GPHN: variants seen among roughly 807,000 people sequenced by gnomAD.
GPHN encodes gephyrin.
In GPHN, 17 loss-of-function variants were observed where a neutral mutation model predicts 95.5. That is an observed-to-expected ratio of 0.18 (90% CI 0.12 to 0.27). GPHN has a LOEUF of 0.27. Ranked by LOEUF, GPHN falls within the 10% of genes least tolerant of loss-of-function variation. The probability of loss-of-function intolerance (pLI) is 1.00; values close to 1 mark genes in which losing one functional copy is unlikely to be tolerated. For missense variants in GPHN, 660 were observed against 978.1 expected, an observed-to-expected ratio of 0.67 and a Z score of 4.34; for synonymous variants, 320 against 322.5, an observed-to-expected ratio of 0.99 and a Z score of 0.08.
the GPHN span, chr14:67,692,071 T>G: frequency 5.7e-6 from 1 of 175,986 alleles, no homozygotes; most frequent in African/African-American, 2.4e-5. Flanking sequence ...TTTGTGAATC[T>G]CAACTTTGTG....
the GPHN span, chr14:67,586,140 T>C: frequency 6.2e-7 from 1 of 1,604,352 alleles, no homozygotes; most frequent in East Asian, 2.2e-5. Context: ...TGGCAAGATG[T>C]GGTGGGCTTG....
At chr14:67,575,307 C>A in the GPHN span, 1 of 765,500 alleles carries the variant, frequency 1.3e-6, no homozygotes, top group Non-Finnish European at 2.2e-6. Context: ...TCAAATCTGT[C>A]TCCCTGTGGC....
chr14:66,580,461 G>A (rs977049957), intron 1 of GPHN, among the ~76,000 whole-genome samples: 1 of 141,390 alleles, frequency 7.1e-6, no homozygotes, highest in African/African-American at 3.0e-5. Flanking sequence ...TAGCTAGACT[G>A]AAAAAATAGT....
chr14:67,490,548 A>G, the GPHN span, among the ~76,000 whole-genome samples: 4 of 152,230 alleles, frequency 2.6e-5, no homozygotes, highest in African/African-American at 4.8e-5. Context: ...TTTCATGCAC[A>G]TAGGATTCAC....
the GPHN span, among the ~76,000 whole-genome samples, chr14:67,662,161 A>AAAC: frequency 4.6e-5 from 7 of 151,210 alleles, no homozygotes; most frequent in South Asian, 2.1e-4. Context: ...GTCTCAAAAC[A>AAAC]AACAACAACA....
chr14:66,653,021 A>T (rs1337754856), intron 1 of GPHN, among the ~76,000 whole-genome samples: 5 of 152,132 alleles, frequency 3.3e-5, no homozygotes, highest in African/African-American at 1.2e-4. Context: ...ATGGGATCCC[A>T]GAGGTAGCTA....
At chr14:66,553,765 C>T (rs895710479) in intron 1 of GPHN, among the ~76,000 whole-genome samples, 3 of 151,830 alleles carry the variant, frequency 2.0e-5, no homozygotes, top group Non-Finnish European at 2.9e-5. Context: ...TTAGTAGAGA[C>T]GGGGTTTCAC....
chr14:67,668,151 C>T, the GPHN span, among the ~76,000 whole-genome samples: 9 of 152,042 alleles, frequency 5.9e-5, no homozygotes, highest in Admixed American at 3.3e-4. Flanking sequence ...TTATGATACA[C>T]GTTAAGACAT....
chr14:66,583,874 T>G (rs1309300042), intron 1 of GPHN, among the ~76,000 whole-genome samples: 1 of 151,998 alleles, frequency 6.6e-6, no homozygotes, highest in African/African-American at 2.4e-5. Flanking sequence ...TGCGGGCTCT[T>G]TTTTGGTTCC....
At chr14:67,664,235 G>A in the GPHN span, among the ~76,000 whole-genome samples, 1 of 152,134 alleles carries the variant, frequency 6.6e-6, no homozygotes, top group Non-Finnish European at 1.5e-5. Flanking sequence ...ACCACTAACT[G>A]TTCTCCAGAA....
intron 21 of GPHN, among the ~76,000 whole-genome samples, chr14:67,173,097 C>T (rs2082692603): frequency 6.6e-6 from 1 of 152,184 alleles, no homozygotes. Context: ...CCCAAAGTCA[C>T]AGACCCTGGC....
chr14:67,182,902 G>GT (rs1183571243), downstream of GPHN, among the ~76,000 whole-genome samples: 1 of 141,528 alleles, frequency 7.1e-6, no homozygotes, highest in Non-Finnish European at 1.5e-5. Flanking sequence ...ATAGAGTGCA[G>GT]TAGCATGGTC....
the GPHN span, among the ~76,000 whole-genome samples, chr14:67,556,135 G>T: frequency 1.3e-5 from 2 of 152,230 alleles, no homozygotes; most frequent in South Asian, 4.1e-4. Flanking sequence ...AGTCTCAGTG[G>T]TTTATCACAT....
intron 1 of GPHN, among the ~76,000 whole-genome samples, chr14:66,618,405 G>T (rs2063141942): frequency 6.6e-6 from 1 of 152,064 alleles, no homozygotes; most frequent in Non-Finnish European, 1.5e-5. Context: ...ATACATTTGT[G>T]TTGAATTTTT....
the GPHN span, chr14:67,692,970 T>C: frequency 3.7e-6 from 6 of 1,614,104 alleles, no homozygotes; most frequent in Non-Finnish European, 4.2e-6. Context: ...TCCTTCCCGA[T>C]ACCTGTATTA....
At chr14:67,412,010 G>A in the GPHN span, 3 of 1,547,880 alleles carry the variant, frequency 1.9e-6, no homozygotes, top group South Asian at 2.4e-5. Context: ...AGCTCGACGC[G>A]CACTCACCCT....
At chr14:66,660,013 T>C (rs946173774) in intron 1 of GPHN, among the ~76,000 whole-genome samples, 2 of 152,044 alleles carry the variant, frequency 1.3e-5, no homozygotes, top group African/African-American at 2.4e-5. Context: ...TTGGGAGTTA[T>C]TTGAATATTT....
intron 5 of GPHN, among the ~76,000 whole-genome samples, chr14:66,881,334 A>G (rs1416995156): frequency 6.6e-6 from 1 of 151,878 alleles, no homozygotes; most frequent in African/African-American, 2.4e-5. Context: ...CATTACTTAT[A>G]TTACCTACAC....
chr14:67,060,138 A>T (rs2075766442), intron 11 of GPHN, among the ~76,000 whole-genome samples: 1 of 151,474 alleles, frequency 6.6e-6, no homozygotes. Context: ...AGTTTCCCTT[A>T]ACATCAGTCC....
Sources: allele counts gnomAD v4.1 joint callset (sites outside exome capture counted in the v4.1 genomes callset), GRCh38; gene constraint gnomAD v4.1.1; transcripts MANE v1.5; gene names NCBI Gene and HGNC (gene_info 2026-07-23, HGNC 2026-07-21).